Variants in OSBPL10 observed in about 807,000 individuals in gnomAD.
The protein encoded by OSBPL10 is oxysterol-binding protein-related protein 10.
A neutral mutation model predicts 81.7 loss-of-function variants in OSBPL10; 49 were observed. That is an observed-to-expected ratio of 0.60 (90% CI 0.48 to 0.76). The LOEUF is 0.76. Ranked by LOEUF, OSBPL10 falls within the 30% of genes least tolerant of loss-of-function variation. The probability of loss-of-function intolerance (pLI) is 0.00; values close to 1 mark genes in which losing one functional copy is unlikely to be tolerated. For synonymous variants in OSBPL10, 419 were observed against 383.6 expected (o/e 1.09, Z -1.08); for missense variants, 923 against 987.8 (o/e 0.93, Z 0.88).
intron 2 of OSBPL10, among the ~76,000 whole-genome samples, chr3:32,026,959 T>A (rs1699421348): frequency 6.6e-6 from 1 of 152,210 alleles, no homozygotes; most frequent in African/African-American, 2.4e-5. Context: ...GGACATAACT[T>A]TGAATGCTAG....
At chr3:31,928,870 G>A (rs11713616) in intron 1 of OSBPL10, among the ~76,000 whole-genome samples, 31,584 of 151,560 alleles carry the variant, frequency 0.21, 3,881 homozygotes, top group Non-Finnish European at 0.28. Context: ...GACAGGGAAA[G>A]ACAGAAATAT....
chr3:31,972,444 A>G (rs906111781), intron 1 of OSBPL10, among the ~76,000 whole-genome samples: 5 of 151,980 alleles, frequency 3.3e-5, no homozygotes, highest in Non-Finnish European at 5.9e-5. Context: ...ACAACCAAAA[A>G]GCCCAGATCA....
chr3:31,711,692 G>A (rs1420035592), intron 6 of OSBPL10, among the ~76,000 whole-genome samples: 2 of 152,162 alleles, frequency 1.3e-5, no homozygotes, highest in African/African-American at 4.8e-5. Context: ...CAGAGGCTGC[G>A]AGGATGGGTG....
In OSBPL10 at chr3:31,748,096, G is replaced by A; in HGVS notation, c.754C>T (p.Gln252Ter). ...REMMNQVEGQ[Q>*]KNLVHAIESL... ...TCAATGGCGTGCACAAGGTTCTTCTGCTGCCCTTCCACCTGGTTCATCATC... is the reference window on the plus strand; with the variant it reads ...TCAATGGCGTGCACAAGGTTCTTCTACTGCCCTTCCACCTGGTTCATCATC... Residue 252 changes from glutamine (Q) to a stop codon, truncating the protein, a stop_gained, in exon 5 of 12, where the codon CAG becomes TAG. Transcript: ENST00000396556. LOFTEE classifies it high-confidence loss of function. 1 of 1,613,762 alleles carries A rather than the reference G, an allele frequency of 6.2e-7. No homozygotes were observed. The highest frequency in any genetic ancestry group is 8.5e-7 in the Non-Finnish European group (1 of 1,179,852).
chr3:31,957,559 A>G (rs1482329957), intron 1 of OSBPL10, among the ~76,000 whole-genome samples: 1 of 152,230 alleles, frequency 6.6e-6, no homozygotes, highest in Non-Finnish European at 1.5e-5. Flanking sequence ...ACTGTTGTGA[A>G]AAAGAACCTT....
At chr3:31,989,523 C>T (rs759947074) in intron 2 of OSBPL10, 1 of 1,614,060 alleles carries the variant, frequency 6.2e-7, no homozygotes, top group Non-Finnish European at 8.5e-7. Flanking sequence ...ATCCTGGAAA[C>T]AAGCCTATCA....
At chr3:31,879,890 C>A in intron 1 of OSBPL10, 60 bp from the exon 2 acceptor site, 2 of 1,497,688 alleles carry the variant, frequency 1.3e-6, no homozygotes, top group South Asian at 1.3e-5. Flanking sequence ...CACAGCAAAG[C>A]AGAAAAAAGC....
intron 1 of OSBPL10, among the ~76,000 whole-genome samples, chr3:31,918,315 T>C (rs1696814001): frequency 2.4e-5 from 3 of 123,494 alleles, no homozygotes; most frequent in Admixed American, 8.6e-5. Flanking sequence ...CACACTGGAG[T>C]TGTTTTTTCT....
chr3:31,864,193 T>TG (rs986607058), intron 3 of OSBPL10, among the ~76,000 whole-genome samples: 8 of 152,148 alleles, frequency 5.3e-5, no homozygotes, highest in African/African-American at 1.7e-4. Flanking sequence ...CCATGCTGCC[T>TG]GGGGGGTCAG....
intron 2 of OSBPL10, chr3:31,990,076 A>G (rs921472529): frequency 1.2e-6 from 2 of 1,613,898 alleles, no homozygotes; most frequent in Non-Finnish European, 1.7e-6. Flanking sequence ...TGAAAGACAT[A>G]GGAGAATTCA....
chr3:31,693,876 T>G (rs1383111832), intron 7 of OSBPL10, among the ~76,000 whole-genome samples: 1 of 152,192 alleles, frequency 6.6e-6, no homozygotes, highest in Non-Finnish European at 1.5e-5. Flanking sequence ...TAAGTGATCC[T>G]CCTGCCTCAG....
chr3:31,826,026 C>T (rs1700093286), intron 4 of OSBPL10, among the ~76,000 whole-genome samples: 1 of 152,114 alleles, frequency 6.6e-6, no homozygotes, highest in African/African-American at 2.4e-5. Context: ...TTTAGTCATT[C>T]CCTTAATGTC....
At chr3:31,963,756 G>T (rs1336968271) in intron 1 of OSBPL10, among the ~76,000 whole-genome samples, 2 of 151,958 alleles carry the variant, frequency 1.3e-5, no homozygotes, top group Non-Finnish European at 2.9e-5. Flanking sequence ...ATCTAATTTT[G>T]TTCCATAGTC....
At chr3:31,831,512 C>T (rs1389300154) in intron 3 of OSBPL10, among the ~76,000 whole-genome samples, 3 of 151,884 alleles carry the variant, frequency 2.0e-5, no homozygotes, top group Non-Finnish European at 4.4e-5. Context: ...TACCCCACTA[C>T]GACCACCAGC....
rs58479197 is a variant in OSBPL10 at position 31,898,006 on chromosome 3, CAAAAAAAAAAAA to C, written c.282-18188_282-18177del. 4.1e-3 allele frequency among the ~76,000 whole-genome samples: 253 copies of C among 62,466 alleles called. 1 individual carries two copies. Among genetic ancestry groups the C allele is most frequent in the South Asian group, 0.024 (36 of 1,530 alleles). The allele number at this position is 62,466 out of a possible 152,430, so 41.0% of individuals were successfully genotyped here. The stretch of plus-strand genomic sequence containing the variant: ...TTGGGTGACACAGCGAGAACTCTGT[CAAAAAAAAAAAA>C]AAAAAAAAAAAAAAAAAAACAGAAG... On this transcript the variant is annotated intron_variant, in intron 1 of 11. Transcript: ENST00000396556.
chr3:31,846,774 CT>C (rs35641443), intron 3 of OSBPL10, among the ~76,000 whole-genome samples: 56,347 of 151,966 alleles, frequency 0.37, 11,695 homozygotes, highest in South Asian at 0.54. Flanking sequence ...ATGCCCCTCT[CT>C]TTCTCTGCAG....
chr3:31,663,944 A>G, intron 11 of OSBPL10, 135 bp downstream of exon 11: 1 of 1,588,636 alleles, frequency 6.3e-7, no homozygotes. Flanking sequence ...TGGAGTCAGA[A>G]CCGAGCTGCC....
intron 1 of OSBPL10, 54 bp downstream of exon 1, chr3:31,980,841 GCACA>G (rs72290087): frequency 0.23 from 305,783 of 1,335,964 alleles, 26,224 homozygotes; most frequent in African/African-American, 0.61. Flanking sequence ...ACACACGCAC[GCACA>G]CACACACACA....
At chr3:31,741,111 G>A (rs886137503) in intron 5 of OSBPL10, among the ~76,000 whole-genome samples, 1 of 152,130 alleles carries the variant, frequency 6.6e-6, no homozygotes, top group Non-Finnish European at 1.5e-5. Flanking sequence ...TCCTCTTCCT[G>A]TAACAGTGAA....
Sources: gnomAD v4.1 joint callset for allele counts (sites outside exome capture counted in the v4.1 genomes callset) on GRCh38, gnomAD v4.1.1 for gene constraint, MANE v1.5 for transcripts, NCBI Gene and HGNC (gene_info 2026-07-23, HGNC 2026-07-21) for gene names.